Variants in RALYL observed in about 807,000 individuals in gnomAD.
RALYL encodes the protein RNA-binding Raly-like protein.
A neutral mutation model predicts 35.1 loss-of-function variants in RALYL; 29 were observed. The observed-to-expected ratio is 0.83, with a 90% CI of 0.61 to 1.13. The LOEUF (loss-of-function observed/expected upper bound fraction) is 1.13, where lower values mean the gene tolerates loss of function less well. Ranked by LOEUF, RALYL falls within the 50% of genes most tolerant of loss-of-function variation. RALYL has a pLI of 0.00. For missense variants in RALYL, 359 were observed against 360.4 expected (o/e 1.00, Z 0.03); for synonymous variants, 120 against 127.6 (o/e 0.94, Z 0.40).
chr8:84,236,170 T>C (rs1196838041), intron 1 of RALYL, among the ~76,000 whole-genome samples: 1 of 152,166 alleles, frequency 6.6e-6, no homozygotes, highest in Non-Finnish European at 1.5e-5. Context: ...GTTTGCAACG[T>C]ATATATTACA....
At chr8:84,727,190 G>A (rs371162124) in intron 2 of RALYL, among the ~76,000 whole-genome samples, 162 of 152,040 alleles carry the variant, frequency 1.1e-3, no homozygotes, top group Middle Eastern at 3.4e-3. Context: ...ACTTAGAAGC[G>A]TGACATTCAT....
chr8:84,452,366 T>C (rs1216765845), intron 1 of RALYL, among the ~76,000 whole-genome samples: 1 of 151,910 alleles, frequency 6.6e-6, no homozygotes. Context: ...ATTTATATTC[T>C]AAAATAAAAT....
At position 84,339,872 on chromosome 8, in the gene RALYL, T is replaced by C. The variant is rs989032334; in HGVS notation, c.-24+155448T>C. On this transcript the variant is annotated intron_variant, in intron 1 of 8. Transcript: ENST00000521268. ...TTCTTTCATTTTATGAGGACAGTTA[T>C]GTGATATGGTTTGGCTGTGTCCCCA... Among the ~76,000 whole-genome samples, 7 of 152,256 alleles carry C rather than the reference T, an allele frequency of 4.6e-5. No homozygotes were observed. In the South Asian group the frequency reaches 1.4e-3, roughly 32 times the overall value.
rs76607361 is a variant in RALYL, at chr8:84,731,763, T to C, written c.257-42816T>C. Among the ~76,000 whole-genome samples the C allele has an allele frequency of 5.5e-3, 830 of 152,230 alleles. 1 individual carries two copies. Among genetic ancestry groups the C allele is most frequent in the Non-Finnish European group, 9.9e-3 (671 of 68,002 alleles). ...CCCTAAAATAAAAGTAAAATAGTAA[T>C]GTAAAAAAACTATCGCTTTCTATTG... On this transcript the variant is annotated intron_variant, in intron 2 of 8. Coordinates refer to ENST00000521268, the MANE Select transcript of RALYL (RefSeq NM_173848.7).
chr8:84,233,091 ACCTG>A (rs1158993764), intron 1 of RALYL, among the ~76,000 whole-genome samples: 1 of 152,002 alleles, frequency 6.6e-6, no homozygotes, highest in Non-Finnish European at 1.5e-5. Context: ...CAAACGATCC[ACCTG>A]CCTTAGCCTC....
chr8:84,646,227 T>C (rs552173776), intron 2 of RALYL, among the ~76,000 whole-genome samples: 124 of 152,060 alleles, frequency 8.2e-4, no homozygotes, highest in Non-Finnish European at 1.4e-3. Flanking sequence ...TTTTTCTCTT[T>C]ATTCAATACC....
At chr8:84,315,620 G>A (rs1408674282) in intron 1 of RALYL, among the ~76,000 whole-genome samples, 1 of 151,954 alleles carries the variant, frequency 6.6e-6, no homozygotes, top group African/African-American at 2.4e-5. Context: ...ATCAAAATTG[G>A]TTGAATAAAC....
intron 2 of RALYL, among the ~76,000 whole-genome samples, chr8:84,714,071 A>G (rs1049125894): frequency 2.0e-4 from 31 of 151,658 alleles, no homozygotes; most frequent in Admixed American, 1.3e-3. Flanking sequence ...TATTCAATCT[A>G]TAAAAAGAAG....
intron 2 of RALYL, among the ~76,000 whole-genome samples, chr8:84,609,587 T>C (rs1817848415): frequency 6.6e-6 from 1 of 152,176 alleles, no homozygotes. Flanking sequence ...AGTTCAAAAC[T>C]TGATTTTTTA....
intron 2 of RALYL, among the ~76,000 whole-genome samples, chr8:84,661,612 CATTTT>C (rs1346845065): frequency 2.7e-5 from 4 of 146,866 alleles, no homozygotes; most frequent in East Asian, 2.0e-4. Context: ...TTTCGTGCTA[CATTTT>C]ATTTTATTTA....
In RALYL at chr8:84,815,453, TAA is replaced by T. The variant is rs1289202086; in HGVS notation, c.365+10652_365+10653del. Among the ~76,000 whole-genome samples, 27 of 148,060 alleles carry T rather than the reference TAA, an allele frequency of 1.8e-4. No homozygotes were observed. In the South Asian group the frequency reaches 5.7e-3, roughly 31 times the overall value. On this transcript the variant is annotated intron_variant, in intron 4 of 8. Coordinates refer to ENST00000521268, the MANE Select transcript of RALYL (RefSeq NM_173848.7). ...TATATTTAAATTTATTATAAATACA[TAA>T]TACTGAATGTTTATATTATTATAAA...
At chr8:84,551,949 A>G (rs1473353969) in intron 2 of RALYL, among the ~76,000 whole-genome samples, 4 of 152,132 alleles carry the variant, frequency 2.6e-5, no homozygotes, top group Non-Finnish European at 4.4e-5. Flanking sequence ...TCAGTACTAT[A>G]GATACTCCCA....
At chr8:84,317,533 A>G (rs1376453066) in intron 1 of RALYL, among the ~76,000 whole-genome samples, 2 of 152,174 alleles carry the variant, frequency 1.3e-5, no homozygotes, top group African/African-American at 4.8e-5. Flanking sequence ...GGAACCCTTA[A>G]ACAGACTTTT....
chr8:84,560,384 A>G (rs1274456096), intron 2 of RALYL, among the ~76,000 whole-genome samples: 1 of 152,096 alleles, frequency 6.6e-6, no homozygotes, highest in Non-Finnish European at 1.5e-5. Context: ...TGTCAGCAAC[A>G]AAAGGTAGAA....
At chr8:84,754,800 G>A (rs927719077) in intron 2 of RALYL, among the ~76,000 whole-genome samples, 1 of 152,138 alleles carries the variant, frequency 6.6e-6, no homozygotes, top group Non-Finnish European at 1.5e-5. Flanking sequence ...AGGTCTTGTG[G>A]GGAGGTAGAT....
At chr8:84,479,654 G>A (rs2053846302) in intron 1 of RALYL, among the ~76,000 whole-genome samples, 2 of 152,162 alleles carry the variant, frequency 1.3e-5, no homozygotes, top group Admixed American at 6.5e-5. Flanking sequence ...AAGGAAAAAT[G>A]TACTGCAGTG....
intron 4 of RALYL, among the ~76,000 whole-genome samples, chr8:84,846,280 G>C (rs554380964): frequency 2.0e-4 from 31 of 152,194 alleles, no homozygotes; most frequent in African/African-American, 7.5e-4. Context: ...TGAACAAGGA[G>C]TGTTTTTCTA....
intron 1 of RALYL, among the ~76,000 whole-genome samples, chr8:84,396,264 G>T (rs1861732396): frequency 1.3e-5 from 2 of 151,662 alleles, no homozygotes; most frequent in Admixed American, 6.6e-5. Flanking sequence ...TCCCATGATG[G>T]GCTCATTTTG....
chr8:84,353,687 A>G (rs1851323616), intron 1 of RALYL, among the ~76,000 whole-genome samples: 1 of 150,356 alleles, frequency 6.7e-6, no homozygotes, highest in Admixed American at 6.6e-5. Flanking sequence ...CTGCCTTTCT[A>G]ACTTATGAAA....
Sources: gnomAD v4.1 joint callset for allele counts (sites outside exome capture counted in the v4.1 genomes callset) on GRCh38, gnomAD v4.1.1 for gene constraint, MANE v1.5 for transcripts, NCBI Gene and HGNC (gene_info 2026-07-23, HGNC 2026-07-21) for gene names.